The following CRACD variants were observed in gnomAD, a reference collection of about 807,000 sequenced individuals.
CRACD encodes capping protein-inhibiting regulator of actin dynamics.
In CRACD, 56 loss-of-function variants were observed where a neutral mutation model predicts 106.8. The ratio of observed to expected loss-of-function variants is 0.52; its 90% confidence interval spans 0.42 to 0.66. The LOEUF (loss-of-function observed/expected upper bound fraction) is 0.66. Ranked by LOEUF, CRACD falls within the 30% of genes least tolerant of loss-of-function variation. The probability of loss-of-function intolerance (pLI) is 0.00; values close to 1 mark genes in which losing one functional copy is unlikely to be tolerated. For missense variants in CRACD, 1,730 were observed against 1,623.2 expected, an observed-to-expected ratio of 1.07 and a Z score of -1.13; for synonymous variants, 754 against 670.8, an observed-to-expected ratio of 1.12 and a Z score of -1.92.
intron 2 of CRACD, among the ~76,000 whole-genome samples, chr4:56,192,219 C>A (rs1443873825): frequency 6.6e-6 from 1 of 152,026 alleles, no homozygotes; most frequent in African/African-American, 2.4e-5. Flanking sequence ...TGGCAAAACC[C>A]CATCTCTCCT....
intron 8 of CRACD, among the ~76,000 whole-genome samples, chr4:56,318,398 G>C (rs1236803889): frequency 6.6e-6 from 1 of 152,108 alleles, no homozygotes. Context: ...TGTTTGTCCT[G>C]CTGGATGAGG....
At chr4:56,129,190 C>G (rs796856254) in intron 1 of CRACD, among the ~76,000 whole-genome samples, 1 of 152,240 alleles carries the variant, frequency 6.6e-6, no homozygotes, top group African/African-American at 2.4e-5. Flanking sequence ...ATCCTCCCCC[C>G]TCAGCCTCCT....
intron 1 of CRACD, among the ~76,000 whole-genome samples, chr4:56,088,501 C>T (rs144739420): frequency 7.3e-5 from 11 of 151,246 alleles, no homozygotes; most frequent in Non-Finnish European, 8.9e-5. Flanking sequence ...CCATGATGCC[C>T]GGCATTATAA....
At chr4:56,304,317 T>C in intron 4 of CRACD, among the ~76,000 whole-genome samples, 1 of 149,528 alleles carries the variant, frequency 6.7e-6, no homozygotes, top group African/African-American at 2.5e-5. Flanking sequence ...TATTCCTTTT[T>C]TTTTTTTTTT....
rs767833548 is a variant in CRACD at position 56,315,544 on chromosome 4, G to A, written c.2042G>A (p.Ser681Asn). The A allele has an allele frequency of 1.2e-6, 2 of 1,614,000 alleles. No homozygotes were observed. Among genetic ancestry groups the A allele is most frequent in the Admixed American group, 3.3e-5 (2 of 60,006 alleles). The change falls in exon 8 of 11, where the codon AGT becomes AAT. Residue 681 changes from serine (S) to asparagine (N), a missense_variant. Ser to Asn is a conservative substitution (Grantham distance 46). This residue lies in a region of CRACD where 1,620 missense variants were observed against 1,481.6 expected (regional missense o/e 1.09). Transcript: ENST00000682029. This position sits in a 1 kb window ranked among gnomAD's most constrained non-coding sequence, Gnocchi z 4.1. ...IRSRILKNAE[S>N]DPRSSERDQL... The stretch of plus-strand genomic sequence containing the variant: ...TCCAGAATCCTGAAGAACGCAGAGA[G>A]TGACCCGCGCAGCAGCGAGAGGGAC...
At chr4:56,258,592 C>T (rs939221314) in intron 2 of CRACD, among the ~76,000 whole-genome samples, 2 of 152,176 alleles carry the variant, frequency 1.3e-5, no homozygotes, top group African/African-American at 4.8e-5. Flanking sequence ...GTTGGTTCTG[C>T]ACAATAATGC....
At chr4:56,150,450 G>A (rs1039106838) in intron 1 of CRACD, among the ~76,000 whole-genome samples, 2 of 152,112 alleles carry the variant, frequency 1.3e-5, no homozygotes, top group African/African-American at 4.8e-5. Flanking sequence ...AACAAACAGT[G>A]ATAAAATGAG....
In CRACD at chr4:56,165,808, G is replaced by A. The variant is rs559655809; in HGVS notation, c.-335-13476G>A. ...AAATAATATTTTGCTTATTAAATTA[G>A]CAAGCAAAGAGTTCAAATGGAGAGA... On this transcript the variant is annotated intron_variant, in intron 1 of 10. Coordinates refer to ENST00000682029, the MANE Select transcript of CRACD (RefSeq NM_001393381.1). 1.6e-4 allele frequency among the ~76,000 whole-genome samples: 25 copies of A among 152,262 alleles called. No homozygotes were observed. The South Asian group carries it at 5.2e-3, about 32-fold the overall frequency.
intron 1 of CRACD, among the ~76,000 whole-genome samples, chr4:56,121,156 T>G (rs1577676240): frequency 6.6e-6 from 1 of 152,368 alleles, no homozygotes; most frequent in Non-Finnish European, 1.5e-5. Flanking sequence ...CATTATTGTC[T>G]TGATATTTTA....
chr4:56,185,695 A>G (rs1207851321), intron 2 of CRACD, among the ~76,000 whole-genome samples: 1 of 152,226 alleles, frequency 6.6e-6, no homozygotes, highest in Non-Finnish European at 1.5e-5. Context: ...TTAATCTGCA[A>G]GGATATGGAG....
intron 1 of CRACD, among the ~76,000 whole-genome samples, chr4:56,123,888 C>T (rs1035345134): frequency 6.6e-6 from 1 of 152,176 alleles, no homozygotes; most frequent in African/African-American, 2.4e-5. Flanking sequence ...AACCATGTTT[C>T]CTGACTAACC....
At chr4:56,325,401 G>A (rs1028920190) in intron 10 of CRACD, among the ~76,000 whole-genome samples, 1 of 152,190 alleles carries the variant, frequency 6.6e-6, no homozygotes, top group South Asian at 2.1e-4. Flanking sequence ...CTCCGCACCC[G>A]GGTTGGAAAT....
intron 1 of CRACD, among the ~76,000 whole-genome samples, chr4:56,075,610 G>A (rs1168994780): frequency 1.3e-5 from 2 of 151,948 alleles, no homozygotes; most frequent in Admixed American, 6.6e-5. Flanking sequence ...ATCGCTCCTG[G>A]TTACTCCCTC....
intron 2 of CRACD, among the ~76,000 whole-genome samples, chr4:56,222,006 A>T (rs1739066183): frequency 6.6e-6 from 1 of 152,248 alleles, no homozygotes; most frequent in Non-Finnish European, 1.5e-5. Context: ...CTAAAAGTAG[A>T]TATACCATTC....
At chr4:56,112,278 C>T (rs1244618778) in intron 1 of CRACD, among the ~76,000 whole-genome samples, 1 of 152,118 alleles carries the variant, frequency 6.6e-6, no homozygotes, top group African/African-American at 2.4e-5. Flanking sequence ...TCGGGCAGCT[C>T]ATGCTTAAGA....
intron 2 of CRACD, among the ~76,000 whole-genome samples, 158 bp downstream of exon 2, chr4:56,179,588 A>G (rs1362553486): frequency 6.6e-6 from 1 of 152,216 alleles, no homozygotes; most frequent in Non-Finnish European, 1.5e-5. Context: ...CCTAGATTGC[A>G]TTCCCAACTC....
At chr4:56,195,045 G>A (rs1181771234) in intron 2 of CRACD, among the ~76,000 whole-genome samples, 2 of 152,314 alleles carry the variant, frequency 1.3e-5, no homozygotes, top group East Asian at 3.9e-4. Flanking sequence ...TTAATAGAAA[G>A]TATTGAGTTT....
chr4:56,310,736 T>A lies in CRACD; in HGVS notation c.354+2T>A, dbSNP rs1189910899. ...GCTGGAAGTGAGATGGAAGAGAAGG[T>A]AATATGATTTGAACTTATTTATTTG... On this transcript the variant is annotated splice_donor_variant, in intron 6 of 10. Coordinates refer to ENST00000682029, the MANE Select transcript of CRACD (RefSeq NM_001393381.1). LOFTEE classifies it high-confidence loss of function. 1 of 1,595,840 alleles carries A rather than the reference T, an allele frequency of 6.3e-7. No individual in the cohort carries two copies. Among genetic ancestry groups the A allele is most frequent in the Non-Finnish European group, 8.6e-7 (1 of 1,163,612 alleles).
At chr4:56,167,848 G>A (rs1241331413) in intron 1 of CRACD, among the ~76,000 whole-genome samples, 1 of 152,154 alleles carries the variant, frequency 6.6e-6, no homozygotes, top group Non-Finnish European at 1.5e-5. Flanking sequence ...CCTGCAATAT[G>A]CAACATGGAT....
Sources: allele counts gnomAD v4.1 joint callset (sites outside exome capture counted in the v4.1 genomes callset), GRCh38; gene constraint gnomAD v4.1.1; regional missense constraint gnomAD v4.1.1; non-coding constraint Gnocchi (gnomAD v3.1); transcripts MANE v1.5; gene names NCBI Gene and HGNC (gene_info 2026-07-23, HGNC 2026-07-21).